Variants in SEC14L1 observed in about 807,000 individuals in gnomAD.
SEC14L1 encodes SEC14-like protein 1.
SEC14L1 carries 48 observed loss-of-function variants against 85.3 expected under a neutral mutation model. That is an observed-to-expected ratio of 0.56 (90% CI 0.45 to 0.72). The LOEUF (loss-of-function observed/expected upper bound fraction) is 0.72, where lower values mean the gene tolerates loss of function less well. SEC14L1 is among the 30% of genes least tolerant of loss of function. SEC14L1 has a pLI of 0.00. For missense variants in SEC14L1, 682 were observed against 921.4 expected (o/e 0.74, Z 3.36); for synonymous variants, 391 against 355.5 (o/e 1.10, Z -1.12).
intron 9 of SEC14L1, among the ~76,000 whole-genome samples, chr17:77,202,916 C>T (rs1408518332): frequency 1.4e-5 from 2 of 140,000 alleles, no homozygotes; most frequent in Non-Finnish European, 3.0e-5. Flanking sequence ...GAGACTCTCT[C>T]TCTAAAAAAA....
At chr17:77,205,085 C>G in intron 10 of SEC14L1, 191 bp from the exon 11 acceptor site, 3 of 567,018 alleles carry the variant, frequency 5.3e-6, no homozygotes. Flanking sequence ...TATTCTCTTT[C>G]AAAAGTAGAA....
intron 3 of SEC14L1, among the ~76,000 whole-genome samples, chr17:77,167,715 C>T (rs561497590): frequency 1.1e-4 from 17 of 152,086 alleles, no homozygotes; most frequent in African/African-American, 3.6e-4. Flanking sequence ...AGTAGACACA[C>T]GGACACTCAA....
intron 3 of SEC14L1, among the ~76,000 whole-genome samples, chr17:77,116,495 T>C (rs1567875481): frequency 6.6e-6 from 1 of 152,076 alleles, no homozygotes. Context: ...GACCTTCCAG[T>C]TGGAAGAGGC....
rs115089356 is a variant in SEC14L1, at chr17:77,171,197, G to A, written c.64-19606G>A. On this transcript the variant is annotated intron_variant, in intron 3 of 16. Coordinates refer to ENST00000436233, the MANE Select transcript of SEC14L1 (RefSeq NM_001143998.2). The stretch of plus-strand genomic sequence containing the variant: ...CTATACACCCATAAACTCCGAGAGC[G>A]GCATCACACATAGCCTGGGGACCCC... Among the ~76,000 whole-genome samples the A allele has an allele frequency of 8.5e-3, 1,291 of 152,184 alleles. 19 individuals carry two copies. The highest frequency in any genetic ancestry group is 0.028 in the African/African-American group (1,157 of 41,492).
At chr17:77,089,463 TTGA>T in intron 2 of SEC14L1, 1 of 518,900 alleles carries the variant, frequency 1.9e-6, no homozygotes, top group South Asian at 1.4e-5. Context: ...TAGCAGCAGT[TTGA>T]TGATCATGTA....
chr17:77,184,352 T>C (rs1372436982), intron 3 of SEC14L1, among the ~76,000 whole-genome samples: 1 of 152,228 alleles, frequency 6.6e-6, no homozygotes, highest in African/African-American at 2.4e-5. Flanking sequence ...ACGTTAGCAT[T>C]CATTGATGAT....
At position 77,206,736 on chromosome 17, in the gene SEC14L1, G is replaced by A. The variant is rs748322069; in HGVS notation, c.1350G>A (p.Pro450=). The change falls in exon 13 of 17, where the codon CCG becomes CCA. Residue 450 remains proline, a synonymous_variant. Transcript: ENST00000436233. The surrounding 1 kb of genome is among the most constrained non-coding windows in gnomAD (Gnocchi z 4.3). The part of the protein sequence containing the change: ...VFPVLWTLVS[P]FIDDNTRRKF... ...TCTTCTCCTCCTCACAGGTTAGTCC[G>A]TTCATTGATGACAACACCAGAAGGA... 1.7e-5 allele frequency: 28 copies of A among 1,607,536 alleles called. No individual in the cohort carries two copies. In the East Asian group the frequency reaches 1.8e-4, roughly 10 times the overall value.
chr17:77,182,754 G>T (rs1366976418), intron 3 of SEC14L1, among the ~76,000 whole-genome samples: 2 of 152,198 alleles, frequency 1.3e-5, no homozygotes, highest in Non-Finnish European at 2.9e-5. Flanking sequence ...ACCTGGGAGA[G>T]TTGAAAAAGG....
intron 3 of SEC14L1, among the ~76,000 whole-genome samples, chr17:77,099,555 G>T (rs1238883277): frequency 6.6e-6 from 1 of 152,146 alleles, no homozygotes; most frequent in African/African-American, 2.4e-5. Context: ...TCAGGAGTTC[G>T]AGGCAAGCCT....
At chr17:77,130,737 G>T (rs554226360) in intron 3 of SEC14L1, among the ~76,000 whole-genome samples, 1 of 152,274 alleles carries the variant, frequency 6.6e-6, no homozygotes, top group African/African-American at 2.4e-5. Flanking sequence ...CTCCCAAGCA[G>T]CTGGGAATGC....
chr17:77,164,896 T>G (rs1418327784), intron 3 of SEC14L1, among the ~76,000 whole-genome samples: 1 of 152,184 alleles, frequency 6.6e-6, no homozygotes, highest in Non-Finnish European at 1.5e-5. Flanking sequence ...CAGTCTCATG[T>G]TTACATTTAT....
At chr17:77,200,091 A>G (rs183057358) in intron 8 of SEC14L1, among the ~76,000 whole-genome samples, 2 of 152,318 alleles carry the variant, frequency 1.3e-5, no homozygotes, top group African/African-American at 4.8e-5. Flanking sequence ...GCCTAAGCCC[A>G]GTAGTTGGGG....
chr17:77,122,084 C>G (rs1411307079), intron 3 of SEC14L1, among the ~76,000 whole-genome samples: 1 of 152,216 alleles, frequency 6.6e-6, no homozygotes, highest in Non-Finnish European at 1.5e-5. Flanking sequence ...GTCCACCACT[C>G]AGGGGATGGG....
In SEC14L1 at chr17:77,213,847, G is replaced by A; in HGVS notation, c.2043-71G>A. 1.3e-6 allele frequency: 2 copies of A among 1,579,168 alleles called. No homozygotes were observed. Among genetic ancestry groups the A allele is most frequent in the Non-Finnish European group, 1.7e-6 (2 of 1,149,804 alleles). On this transcript the variant is annotated intron_variant, in intron 16 of 16. Coordinates refer to ENST00000436233, the MANE Select transcript of SEC14L1 (RefSeq NM_001143998.2). This position sits in a 1 kb window ranked among gnomAD's most constrained non-coding sequence, Gnocchi z 7.1. Reference sequence around the variant, plus strand: ...AGAACAGGGTGGGCCACGAAGTCCAGCAGGCAGTGTGGGCCGGCGGGTGGT... The same window carrying A: ...AGAACAGGGTGGGCCACGAAGTCCAACAGGCAGTGTGGGCCGGCGGGTGGT...
At chr17:77,130,623 T>C (rs1972585068) in intron 3 of SEC14L1, among the ~76,000 whole-genome samples, 1 of 150,890 alleles carries the variant, frequency 6.6e-6, no homozygotes, top group South Asian at 2.1e-4. Context: ...GAGCCCAGCC[T>C]ATTTATTTAT....
intron 3 of SEC14L1, among the ~76,000 whole-genome samples, chr17:77,170,166 TTAA>T (rs1489926208): frequency 6.6e-6 from 1 of 152,104 alleles, no homozygotes; most frequent in Non-Finnish European, 1.5e-5. Flanking sequence ...TCTGGTTATA[TTAA>T]TAATAAGATG....
chr17:77,167,196 T>A (rs1014468739), intron 3 of SEC14L1, among the ~76,000 whole-genome samples: 6 of 150,120 alleles, frequency 4.0e-5, no homozygotes, highest in African/African-American at 1.5e-4. Flanking sequence ...AGGGCAGTGG[T>A]GTGATTACTG....
intron 3 of SEC14L1, among the ~76,000 whole-genome samples, chr17:77,115,551 C>G (rs1350059997): frequency 6.6e-6 from 1 of 152,228 alleles, no homozygotes; most frequent in Non-Finnish European, 1.5e-5. Context: ...GGCTCAGACC[C>G]TTGCTCCTGA....
At chr17:77,160,107 A>G (rs1973996127) in intron 3 of SEC14L1, among the ~76,000 whole-genome samples, 1 of 152,224 alleles carries the variant, frequency 6.6e-6, no homozygotes, top group Non-Finnish European at 1.5e-5. Context: ...TTCCTGATGG[A>G]TTAAAGCACT....
Sources: allele counts gnomAD v4.1 joint callset (sites outside exome capture counted in the v4.1 genomes callset), GRCh38; gene constraint gnomAD v4.1.1; non-coding constraint Gnocchi (gnomAD v3.1); transcripts MANE v1.5; gene names NCBI Gene and HGNC (gene_info 2026-07-23, HGNC 2026-07-21).